ROR1: variants seen among roughly 807,000 people sequenced by gnomAD.
ROR1 encodes the protein ROR family WNT receptor 1.
Under a neutral mutation model 78.8 loss-of-function variants are expected in ROR1, and 19 were observed. The ratio of observed to expected loss-of-function variants is 0.24; its 90% CI spans 0.17 to 0.35. The LOEUF (loss-of-function observed/expected upper bound fraction) is 0.35, where lower values mean the gene tolerates loss of function less well. Ranked by LOEUF, ROR1 falls within the 10% of genes least tolerant of loss-of-function variation. ROR1 has a pLI of 1.00. For missense variants in ROR1, 917 were observed against 1,177.8 expected (o/e 0.78, Z 3.24); for synonymous variants, 386 against 433.6 (o/e 0.89, Z 1.36).
chr1:64,005,708 A>T (rs285390), intron 1 of ROR1, among the ~76,000 whole-genome samples: 110,854 of 152,142 alleles, frequency 0.73, 41,894 homozygotes, highest in East Asian at 0.94. Context: ...AAAGCTTATT[A>T]AACATCACTT....
intron 1 of ROR1, among the ~76,000 whole-genome samples, chr1:63,918,223 G>A (rs1029590435): frequency 6.6e-6 from 1 of 152,222 alleles, no homozygotes; most frequent in Non-Finnish European, 1.5e-5. Context: ...CTGCCAAAGC[G>A]TCCCTCCCTG....
At chr1:64,159,943 C>A (rs1011381105) in intron 8 of ROR1, among the ~76,000 whole-genome samples, 1 of 152,172 alleles carries the variant, frequency 6.6e-6, no homozygotes, top group Non-Finnish European at 1.5e-5. Flanking sequence ...TGCACTGCAT[C>A]TTGGAACTAA....
intron 4 of ROR1, among the ~76,000 whole-genome samples, chr1:64,118,058 G>T (rs1190748314): frequency 6.6e-6 from 1 of 152,088 alleles, no homozygotes; most frequent in East Asian, 1.9e-4. Context: ...CACAAAAATT[G>T]CTGGGTTTAG....
At chr1:63,990,985 A>G (rs1646291185) in intron 1 of ROR1, among the ~76,000 whole-genome samples, 1 of 152,202 alleles carries the variant, frequency 6.6e-6, no homozygotes, top group Non-Finnish European at 1.5e-5. Context: ...ATGGTGCAAT[A>G]ACAGCTCACT....
chr1:64,129,812 G>T (rs1389636045), intron 4 of ROR1, among the ~76,000 whole-genome samples: 1 of 152,094 alleles, frequency 6.6e-6, no homozygotes, highest in African/African-American at 2.4e-5. Context: ...CTCAAATTAC[G>T]TTTGTGAGAT....
chr1:64,115,045 G>C (rs1449544992), intron 4 of ROR1, among the ~76,000 whole-genome samples: 2 of 152,128 alleles, frequency 1.3e-5, no homozygotes, highest in Non-Finnish European at 2.9e-5. Flanking sequence ...GCTCACTGCA[G>C]CGTCTACCTC....
At chr1:64,033,919 C>T (rs1051597396) in intron 2 of ROR1, among the ~76,000 whole-genome samples, 4 of 152,174 alleles carry the variant, frequency 2.6e-5, no homozygotes, top group African/African-American at 9.6e-5. Context: ...ACAAGTGACA[C>T]AGCCAGGACT....
intron 7 of ROR1, among the ~76,000 whole-genome samples, chr1:64,149,814 G>A (rs1649570616): frequency 6.6e-6 from 1 of 152,172 alleles, no homozygotes; most frequent in Non-Finnish European, 1.5e-5. Flanking sequence ...TAGGCACACT[G>A]CCTAGGTTCA....
chr1:64,052,067 T>G (rs1296436065), intron 4 of ROR1, among the ~76,000 whole-genome samples: 1 of 152,124 alleles, frequency 6.6e-6, no homozygotes, highest in African/African-American at 2.4e-5. Context: ...TGTAAAAGAG[T>G]CTTTAAAATC....
At chr1:63,918,796 G>T (rs1002488071) in intron 1 of ROR1, among the ~76,000 whole-genome samples, 4 of 152,136 alleles carry the variant, frequency 2.6e-5, no homozygotes, top group African/African-American at 9.7e-5. Flanking sequence ...GGCTGAGTGC[G>T]TGGAACAGTT....
intron 1 of ROR1, among the ~76,000 whole-genome samples, chr1:63,797,362 C>A (rs924379682): frequency 6.6e-6 from 1 of 152,108 alleles, no homozygotes; most frequent in Non-Finnish European, 1.5e-5. Flanking sequence ...CTGCTGTGCC[C>A]GATTTTGTGG....
At chr1:63,853,324 A>G (rs917621905) in intron 1 of ROR1, among the ~76,000 whole-genome samples, 3 of 152,328 alleles carry the variant, frequency 2.0e-5, no homozygotes, top group Non-Finnish European at 2.9e-5. Context: ...CTCGTTTTAT[A>G]GATGAAAAAA....
intron 1 of ROR1, among the ~76,000 whole-genome samples, chr1:63,923,665 C>T (rs1035849876): frequency 6.6e-6 from 1 of 151,356 alleles, no homozygotes; most frequent in Non-Finnish European, 1.5e-5. Context: ...TCTGCTTGTA[C>T]TCCCACTTGA....
intron 1 of ROR1, among the ~76,000 whole-genome samples, chr1:63,845,599 C>G (rs1298158789): frequency 1.3e-5 from 2 of 152,070 alleles, no homozygotes; most frequent in African/African-American, 4.8e-5. Flanking sequence ...TGGAGTATTT[C>G]TTTTAGGTTC....
In ROR1 at chr1:64,049,710, T is replaced by A; in HGVS notation, c.183T>A (p.Asp61Glu). The part of the protein sequence containing the change: ...ELNKDSYLTL[D>E]EPMNNITTSL... The stretch of plus-strand genomic sequence containing the variant: ...TCACAGATTCTTACCTGACCCTCGA[T>A]GAACCAATGAATAACATCACCACGT... Residue 61 changes from aspartate to glutamate, a missense_variant, in exon 3 of 9, where the codon GAT becomes GAA. Coordinates refer to ENST00000371079, the MANE Select transcript of ROR1 (RefSeq NM_005012.4). 1.2e-6 allele frequency: 2 copies of A among 1,613,946 alleles called. No homozygotes were observed. The highest frequency in any genetic ancestry group is 8.5e-7 in the Non-Finnish European group (1 of 1,179,926).
chr1:63,848,084 C>A (rs1162407930), intron 1 of ROR1, among the ~76,000 whole-genome samples: 1 of 152,146 alleles, frequency 6.6e-6, no homozygotes, highest in African/African-American at 2.4e-5. Flanking sequence ...CCTGGACTTA[C>A]GGATTGATTT....
intron 1 of ROR1, among the ~76,000 whole-genome samples, chr1:63,974,017 C>T (rs932122170): frequency 1.3e-5 from 2 of 152,116 alleles, no homozygotes; most frequent in Admixed American, 1.3e-4. Context: ...CCACTAAACA[C>T]TCATAAGTTC....
intron 4 of ROR1, among the ~76,000 whole-genome samples, chr1:64,126,406 G>A (rs1241410021): frequency 3.9e-5 from 6 of 152,106 alleles, no homozygotes; most frequent in Non-Finnish European, 7.4e-5. Context: ...CTACCTATTA[G>A]CTCATCATTC....
At chr1:63,789,418 T>A in intron 1 of ROR1, 1 of 324,600 alleles carries the variant, frequency 3.1e-6, no homozygotes, top group Non-Finnish European at 5.8e-6. Context: ...CACTGCCTGC[T>A]GTCGGGACTG....
Sources: allele counts gnomAD v4.1 joint callset (sites outside exome capture counted in the v4.1 genomes callset), GRCh38; gene constraint gnomAD v4.1.1; transcripts MANE v1.5; gene names NCBI Gene and HGNC (gene_info 2026-07-23, HGNC 2026-07-21).